CFAP95: variants seen among roughly 807,000 people sequenced by gnomAD.
The protein encoded by CFAP95 is cilia and flagella associated protein 95.
the CFAP95 span, among the ~76,000 whole-genome samples, chr9:69,843,643 C>T: frequency 7.8e-6 from 1 of 127,540 alleles, no homozygotes; most frequent in Admixed American, 8.5e-5. Flanking sequence ...CCTCCTCCTC[C>T]TTCTTTCTTC....
chr9:69,852,067 C>T, the CFAP95 span, among the ~76,000 whole-genome samples: 3 of 152,024 alleles, frequency 2.0e-5, no homozygotes, highest in African/African-American at 7.2e-5. Context: ...CTGAGTTAAC[C>T]TAGATGTGAA....
At chr9:69,827,605 G>A in the CFAP95 span, among the ~76,000 whole-genome samples, 1 of 152,318 alleles carries the variant, frequency 6.6e-6, no homozygotes, top group African/African-American at 2.4e-5. Context: ...GGGTGGAGGA[G>A]TGAGGCCTCC....
the CFAP95 span, among the ~76,000 whole-genome samples, chr9:69,890,354 G>C: frequency 6.6e-6 from 1 of 152,050 alleles, no homozygotes; most frequent in Non-Finnish European, 1.5e-5. Context: ...ACAGTTGTTT[G>C]CCTTTATTTG....
At chr9:69,846,603 G>C in the CFAP95 span, among the ~76,000 whole-genome samples, 1 of 152,100 alleles carries the variant, frequency 6.6e-6, no homozygotes, top group Non-Finnish European at 1.5e-5. Flanking sequence ...TTATTATTTA[G>C]TTCTAAACCT....
At chr9:69,857,120 C>A in the CFAP95 span, among the ~76,000 whole-genome samples, 1 of 152,172 alleles carries the variant, frequency 6.6e-6, no homozygotes, top group Non-Finnish European at 1.5e-5. Context: ...GAAGTATTGA[C>A]TGACATGCAA....
chr9:69,896,741 G>T, the CFAP95 span, among the ~76,000 whole-genome samples: 1 of 151,916 alleles, frequency 6.6e-6, no homozygotes. Context: ...AATAAAACTT[G>T]GCCAGGTGCG....
chr9:69,826,273 A>AT, the CFAP95 span, among the ~76,000 whole-genome samples: 1 of 152,172 alleles, frequency 6.6e-6, no homozygotes, highest in African/African-American at 2.4e-5. Flanking sequence ...AGACACTAGG[A>AT]TATCATGAGT....
the CFAP95 span, among the ~76,000 whole-genome samples, chr9:69,876,063 A>G: frequency 0.011 from 1,636 of 152,348 alleles, 29 homozygotes; most frequent in African/African-American, 0.038. Context: ...TTGTTGGGTA[A>G]TAAGACATAT....
At chr9:69,864,668 G>T in the CFAP95 span, among the ~76,000 whole-genome samples, 982 of 152,264 alleles carry the variant, frequency 6.4e-3, 11 homozygotes, top group African/African-American at 0.022. Context: ...GTGTGGAGTG[G>T]TCTTCATAGT....
chr9:69,842,491 C>A, the CFAP95 span, among the ~76,000 whole-genome samples: 1 of 152,112 alleles, frequency 6.6e-6, no homozygotes, highest in African/African-American at 2.4e-5. Context: ...CCAATGTATA[C>A]CAGATTTTGG....
chr9:69,877,777 T>A, the CFAP95 span, among the ~76,000 whole-genome samples: 1 of 152,348 alleles, frequency 6.6e-6, no homozygotes, highest in Admixed American at 6.5e-5. Flanking sequence ...TTGCTAATGT[T>A]GATTTTGCTT....
chr9:69,882,134 C>T, the CFAP95 span, among the ~76,000 whole-genome samples: 8 of 152,062 alleles, frequency 5.3e-5, no homozygotes, highest in Non-Finnish European at 1.0e-4. Flanking sequence ...AGGTGTGTGC[C>T]ACCACACCTG....
chr9:69,832,142 A>G, the CFAP95 span, among the ~76,000 whole-genome samples: 1 of 152,214 alleles, frequency 6.6e-6, no homozygotes, highest in Non-Finnish European at 1.5e-5. Flanking sequence ...CCGAGCTTTC[A>G]GAGATCAGTG....
the CFAP95 span, among the ~76,000 whole-genome samples, chr9:69,834,106 T>C: frequency 6.6e-6 from 1 of 152,244 alleles, no homozygotes; most frequent in Non-Finnish European, 1.5e-5. Flanking sequence ...CTTTGCTTTT[T>C]GTTTTGGACG....
At chr9:69,851,314 C>T in the CFAP95 span, among the ~76,000 whole-genome samples, 1 of 152,138 alleles carries the variant, frequency 6.6e-6, no homozygotes, top group African/African-American at 2.4e-5. Flanking sequence ...TATGCTTGGA[C>T]AAAATGCTGT....
At chr9:69,836,854 A>T in the CFAP95 span, among the ~76,000 whole-genome samples, 2 of 150,560 alleles carry the variant, frequency 1.3e-5, no homozygotes, top group Non-Finnish European at 3.0e-5. Flanking sequence ...AGCATTAGGT[A>T]TATCTCCCAA....
the CFAP95 span, among the ~76,000 whole-genome samples, chr9:69,864,371 A>G: frequency 1.3e-5 from 2 of 151,954 alleles, no homozygotes; most frequent in Non-Finnish European, 2.9e-5. Context: ...CAGAAAGAAC[A>G]TGGTATAGAA....
chr9:69,866,670 C>T, the CFAP95 span, among the ~76,000 whole-genome samples: 4 of 152,196 alleles, frequency 2.6e-5, no homozygotes, highest in Non-Finnish European at 5.9e-5. Context: ...TGGACAGATA[C>T]AGACAGAATC....
chr9:69,844,964 C>T, the CFAP95 span, among the ~76,000 whole-genome samples: 1 of 152,154 alleles, frequency 6.6e-6, no homozygotes, highest in South Asian at 2.1e-4. Flanking sequence ...AATAACCCTG[C>T]AAAGTAGGTA....
Sources: gnomAD v4.1 joint callset for allele counts (sites outside exome capture counted in the v4.1 genomes callset) on GRCh38, gnomAD v4.1.1 for gene constraint, MANE v1.5 for transcripts, NCBI Gene and HGNC (gene_info 2026-07-23, HGNC 2026-07-21) for gene names.